Variants in OR2L13 observed in about 807,000 individuals in gnomAD.
OR2L13 encodes the protein olfactory receptor family 2 subfamily L member 13.
A neutral mutation model predicts 15.3 loss-of-function variants in OR2L13; 14 were observed. The ratio of observed to expected loss-of-function variants is 0.91; its 90% CI spans 0.60 to 1.43. The LOEUF (loss-of-function observed/expected upper bound fraction) is 1.43, where lower values mean the gene tolerates loss of function less well. Ranked by LOEUF, OR2L13 falls within the 40% of genes most tolerant of loss-of-function variation. The pLI is 0.00. For synonymous variants in OR2L13, 152 were observed against 142.9 expected (o/e 1.06, Z -0.45); for missense variants, 367 against 387.9 (o/e 0.95, Z 0.45).
At chr1:248,096,447 T>A (rs1394754797), upstream of OR2L13, among the ~76,000 whole-genome samples, 1 of 152,128 alleles carries the variant, frequency 6.6e-6, no homozygotes, top group Non-Finnish European at 1.5e-5. Context: ...ATGAACTTGT[T>A]AGAGTTGCAC....
chr1:248,001,424 A>G, the OR2L13 span, among the ~76,000 whole-genome samples: 5 of 151,830 alleles, frequency 3.3e-5, no homozygotes, highest in African/African-American at 4.8e-5. Context: ...GTATTATTTC[A>G]TTAATGCTGA....
the OR2L13 span, among the ~76,000 whole-genome samples, chr1:247,979,909 T>C: frequency 1.3e-5 from 2 of 152,146 alleles, no homozygotes; most frequent in Non-Finnish European, 2.9e-5. Context: ...TTTCAGGAAA[T>C]TTTCTTTGCT....
the OR2L13 span, among the ~76,000 whole-genome samples, chr1:248,048,385 T>G: frequency 1.3e-5 from 2 of 152,228 alleles, no homozygotes; most frequent in African/African-American, 2.4e-5. Context: ...TACAACATTA[T>G]GTACTGTGTC....
intron 1 of OR2L13, among the ~76,000 whole-genome samples, 184 bp from the exon 2 acceptor site, chr1:248,098,467 C>T (rs544025123): frequency 1.3e-5 from 2 of 152,242 alleles, no homozygotes; most frequent in East Asian, 3.9e-4. Flanking sequence ...CTGTCATGTT[C>T]CCAACTTTTC....
At chr1:247,947,614 T>G in the OR2L13 span, among the ~76,000 whole-genome samples, 1 of 152,216 alleles carries the variant, frequency 6.6e-6, no homozygotes, top group Non-Finnish European at 1.5e-5. Flanking sequence ...TAATGTTATC[T>G]AATCACTAGA....
the OR2L13 span, chr1:248,084,416 G>A: frequency 9.3e-6 from 15 of 1,610,708 alleles, no homozygotes; most frequent in Admixed American, 2.2e-4. Flanking sequence ...GTTGGCTCAG[G>A]AGGAAGTACA....
At chr1:248,084,570 G>C in the OR2L13 span, 1 of 1,606,596 alleles carries the variant, frequency 6.2e-7, no homozygotes, top group Non-Finnish European at 8.5e-7. Flanking sequence ...GGAGAATAAA[G>C]TCTGGGGTAG....
chr1:247,993,813 AAG>A, the OR2L13 span, among the ~76,000 whole-genome samples: 1 of 77,876 alleles, frequency 1.3e-5, no homozygotes, highest in African/African-American at 5.4e-5. Flanking sequence ...GAGAGAGAGA[AAG>A]AAAGAGAAAG....
At chr1:248,037,204 CA>C in the OR2L13 span, among the ~76,000 whole-genome samples, 1 of 152,038 alleles carries the variant, frequency 6.6e-6, no homozygotes, top group African/African-American at 2.4e-5. Flanking sequence ...GTAGAAGAAC[CA>C]AATAATGATG....
the OR2L13 span, among the ~76,000 whole-genome samples, chr1:248,070,506 G>T: frequency 6.6e-6 from 1 of 152,100 alleles, no homozygotes; most frequent in Non-Finnish European, 1.5e-5. Flanking sequence ...AGCACTAAAT[G>T]CCCACAAGAG....
At chr1:248,026,531 G>T in the OR2L13 span, among the ~76,000 whole-genome samples, 1 of 152,194 alleles carries the variant, frequency 6.6e-6, no homozygotes, top group African/African-American at 2.4e-5. Context: ...CTTCAATCCA[G>T]ACTGGCTTTC....
At chr1:247,945,587 C>T in the OR2L13 span, among the ~76,000 whole-genome samples, 1 of 152,080 alleles carries the variant, frequency 6.6e-6, no homozygotes, top group Non-Finnish European at 1.5e-5. Flanking sequence ...CTAATAGTGA[C>T]AGTGGGGTAT....
chr1:247,990,779 G>A, the OR2L13 span: 1 of 1,602,908 alleles, frequency 6.2e-7, no homozygotes, highest in South Asian at 1.1e-5. Context: ...TGCAAGTCCA[G>A]AGCCATCAAT....
At chr1:248,037,852 C>G in the OR2L13 span, among the ~76,000 whole-genome samples, 1 of 152,102 alleles carries the variant, frequency 6.6e-6, no homozygotes, top group Non-Finnish European at 1.5e-5. Flanking sequence ...CAGTCATAGC[C>G]CAACGTCACA....
the OR2L13 span, among the ~76,000 whole-genome samples, chr1:248,019,156 A>G: frequency 1.3e-5 from 2 of 152,180 alleles, no homozygotes; most frequent in Non-Finnish European, 2.9e-5. Context: ...CAGAAGTTAA[A>G]TAGCTGGAGC....
At chr1:248,082,165 A>C in the OR2L13 span, among the ~76,000 whole-genome samples, 18 of 146,088 alleles carry the variant, frequency 1.2e-4, no homozygotes, top group African/African-American at 4.8e-4. Flanking sequence ...TGCAGCCATA[A>C]AAAATGATGA....
At chr1:248,032,533 G>C in the OR2L13 span, among the ~76,000 whole-genome samples, 3 of 151,972 alleles carry the variant, frequency 2.0e-5, no homozygotes, top group South Asian at 6.2e-4. Flanking sequence ...CCCATCCCCA[G>C]GGGTCCAGCA....
chr1:248,022,101 A>C, the OR2L13 span: 1 of 1,613,706 alleles, frequency 6.2e-7, no homozygotes, highest in African/African-American at 1.3e-5. Flanking sequence ...CTTCTTGGAC[A>C]CCCATCTCCA....
At chr1:247,998,751 G>A in the OR2L13 span, among the ~76,000 whole-genome samples, 19 of 152,056 alleles carry the variant, frequency 1.2e-4, 1 homozygote, top group South Asian at 2.3e-3. Context: ...ATGGTTATCC[G>A]GATTTTGTTT....
Sources: allele counts gnomAD v4.1 joint callset (sites outside exome capture counted in the v4.1 genomes callset), GRCh38; gene constraint gnomAD v4.1.1; transcripts MANE v1.5; gene names NCBI Gene and HGNC (gene_info 2026-07-23, HGNC 2026-07-21).